SHC4: variants seen among roughly 807,000 people sequenced by gnomAD.
SHC4 encodes the protein SHC-transforming protein 4.
Under a neutral mutation model 69.4 loss-of-function variants are expected in SHC4, and 41 were observed. That is an observed-to-expected ratio of 0.59 (90% CI 0.46 to 0.77). The LOEUF (loss-of-function observed/expected upper bound fraction) is 0.77. Among genes scored for constraint, SHC4 ranks in the 30% least tolerant of loss-of-function variants. The pLI, the probability that SHC4 is intolerant of heterozygous loss-of-function variation, is 0.00. For missense variants in SHC4, 777 were observed against 783.8 expected, an observed-to-expected ratio of 0.99 and a Z score of 0.10; for synonymous variants, 318 against 299.3, an observed-to-expected ratio of 1.06 and a Z score of -0.64.
chr15:48,882,439 C>T (rs1352912065), intron 4 of SHC4, among the ~76,000 whole-genome samples: 1 of 152,158 alleles, frequency 6.6e-6, no homozygotes, highest in Admixed American at 6.5e-5. Context: ...ACTATAGTTA[C>T]TGGTAATGAA....
chr15:48,931,725 C>G (rs1900969045), intron 1 of SHC4, among the ~76,000 whole-genome samples: 1 of 152,052 alleles, frequency 6.6e-6, no homozygotes, highest in African/African-American at 2.4e-5. Context: ...ATCCATTTGG[C>G]AGGCAGAAAG....
intron 9 of SHC4, among the ~76,000 whole-genome samples, chr15:48,849,157 G>A (rs1899156493): frequency 6.6e-6 from 1 of 152,124 alleles, no homozygotes; most frequent in Admixed American, 6.5e-5. Context: ...AGCTCTCTCT[G>A]TCCCAGTGAT....
intron 11 of SHC4, 44 bp from the exon 12 acceptor site, chr15:48,826,170 T>A (rs770166076): frequency 6.4e-7 from 1 of 1,552,980 alleles, no homozygotes; most frequent in African/African-American, 1.4e-5. Flanking sequence ...ATTATAGTAG[T>A]TCTCCTGAAA....
chr15:48,902,048 A>G (rs1343160153), intron 2 of SHC4, among the ~76,000 whole-genome samples: 1 of 152,070 alleles, frequency 6.6e-6, no homozygotes, highest in African/African-American at 2.4e-5. Context: ...CAAAAAATAC[A>G]AAAGTTAGCC....
intron 6 of SHC4, among the ~76,000 whole-genome samples, chr15:48,858,693 T>C (rs970455915): frequency 1.3e-5 from 2 of 152,186 alleles, no homozygotes; most frequent in Non-Finnish European, 2.9e-5. Context: ...AATATGAAGA[T>C]ATAATTGATG....
At chr15:48,869,449 CG>C (rs1195379255) in intron 5 of SHC4, among the ~76,000 whole-genome samples, 1 of 152,160 alleles carries the variant, frequency 6.6e-6, no homozygotes, top group Non-Finnish European at 1.5e-5. Context: ...AAGCTGTAAA[CG>C]ATCTCAGTTA....
intron 9 of SHC4, 129 bp downstream of exon 9, chr15:48,851,059 C>A: frequency 1.3e-6 from 1 of 798,040 alleles, no homozygotes; most frequent in Non-Finnish European, 2.0e-6. Context: ...AGCCTACAGT[C>A]AAAGGATTAT....
At chr15:48,922,943 A>T (rs567167847) in intron 2 of SHC4, among the ~76,000 whole-genome samples, 2 of 152,368 alleles carry the variant, frequency 1.3e-5, no homozygotes, top group East Asian at 3.9e-4. Flanking sequence ...AGGGGAGAAG[A>T]AATGTAGCTG....
chr15:48,902,881 A>G (rs1311323396), intron 2 of SHC4, among the ~76,000 whole-genome samples: 1 of 152,178 alleles, frequency 6.6e-6, no homozygotes, highest in East Asian at 1.9e-4. Context: ...TCAACTCTCC[A>G]TCTCAGAACA....
At chr15:48,836,944 G>A (rs1020124134) in intron 10 of SHC4, among the ~76,000 whole-genome samples, 1 of 152,182 alleles carries the variant, frequency 6.6e-6, no homozygotes, top group Non-Finnish European at 1.5e-5. Context: ...CAAAATGTAT[G>A]CAGATTTGAT....
intron 9 of SHC4, among the ~76,000 whole-genome samples, chr15:48,847,346 C>G (rs1489023612): frequency 6.6e-6 from 1 of 152,148 alleles, no homozygotes. Flanking sequence ...AAAATATCAA[C>G]ATTTCAATTT....
chr15:48,923,552 A>C (rs1900789663), intron 2 of SHC4, among the ~76,000 whole-genome samples: 1 of 150,696 alleles, frequency 6.6e-6, no homozygotes, highest in Non-Finnish European at 1.5e-5. Flanking sequence ...CTCAAAAAAA[A>C]AAAAAAAACA....
chr15:48,878,313 G>C, intron 4 of SHC4: 1 of 1,613,668 alleles, frequency 6.2e-7, no homozygotes, highest in Non-Finnish European at 8.5e-7. Flanking sequence ...CGTCCCTCCC[G>C]CAGCGGGGCC....
At chr15:48,955,112 G>A (rs2141041509) in intron 1 of SHC4, among the ~76,000 whole-genome samples, 1 of 152,260 alleles carries the variant, frequency 6.6e-6, no homozygotes, top group East Asian at 1.9e-4. Context: ...TGGGTTTCCT[G>A]CAGCCCCCAG....
intron 2 of SHC4, among the ~76,000 whole-genome samples, chr15:48,903,257 TAG>T (rs1054360568): frequency 7.2e-5 from 11 of 152,198 alleles, no homozygotes; most frequent in Admixed American, 6.5e-5. Context: ...GCCTGGCAGG[TAG>T]AGAGATGCAC....
In SHC4 at chr15:48,962,900, G is replaced by A; in HGVS notation, c.116C>T (p.Thr39Met). ...KYSRFRNESI[T>M]SLDEGSSGGS... is the part of the protein sequence containing the mutation. ...TCCGGAGCTACCTTCGTCCAAGGACGTGATCGACTCGTTCCGAAAGCGGCT... is the reference window on the plus strand; with the variant it reads ...TCCGGAGCTACCTTCGTCCAAGGACATGATCGACTCGTTCCGAAAGCGGCT... The change falls in exon 1 of 12, where the codon ACG (threonine) becomes ATG (methionine). Residue 39 changes from threonine (T) to methionine (M), a missense_variant. Physicochemically the swap from Thr to Met is moderately conservative, Grantham distance 81 (BLOSUM62 -1). Transcript: ENST00000332408. The A allele has an allele frequency of 6.2e-7, 1 of 1,613,410 alleles. No individual in the cohort carries two copies. Among genetic ancestry groups the A allele is most frequent in the Non-Finnish European group, 8.5e-7 (1 of 1,180,034 alleles).
chr15:48,845,825 T>A (rs1899080050), intron 9 of SHC4, among the ~76,000 whole-genome samples: 1 of 152,212 alleles, frequency 6.6e-6, no homozygotes, highest in Non-Finnish European at 1.5e-5. Context: ...TTATTTATCA[T>A]CTACTCTAAC....
At chr15:48,860,686 G>T (rs1474846104) in intron 6 of SHC4, among the ~76,000 whole-genome samples, 1 of 152,112 alleles carries the variant, frequency 6.6e-6, no homozygotes, top group East Asian at 1.9e-4. Context: ...AAATAAATAA[G>T]AAAAGCTAAA....
intron 2 of SHC4, among the ~76,000 whole-genome samples, 156 bp from the exon 3 acceptor site, chr15:48,890,967 C>T (rs1900126020): frequency 6.6e-6 from 1 of 152,164 alleles, no homozygotes; most frequent in Non-Finnish European, 1.5e-5. Flanking sequence ...GGAGGAAATG[C>T]TGTACTTACT....
Sources: allele counts gnomAD v4.1 joint callset (sites outside exome capture counted in the v4.1 genomes callset), GRCh38; gene constraint gnomAD v4.1.1; transcripts MANE v1.5; gene names NCBI Gene and HGNC (gene_info 2026-07-23, HGNC 2026-07-21).